Variants in VSIG10L observed in about 807,000 individuals in gnomAD.
The protein encoded by VSIG10L is V-set and immunoglobulin domain containing 10 like.
VSIG10L carries 63 observed loss-of-function variants against 67.3 expected under a neutral mutation model. The observed-to-expected ratio is 0.94, with a 90% CI of 0.76 to 1.15. VSIG10L has a LOEUF of 1.15. VSIG10L is among the 50% of genes most tolerant of loss of function. The pLI, the probability that VSIG10L is intolerant of heterozygous loss-of-function variation, is 0.00. For missense variants in VSIG10L, 1,050 were observed against 1,177.5 expected (o/e 0.89, Z 1.58); for synonymous variants, 499 against 524.9 (o/e 0.95, Z 0.67).
chr19:51,333,210 G>A (rs983784996), intron 9 of VSIG10L, among the ~76,000 whole-genome samples: 2 of 152,044 alleles, frequency 1.3e-5, no homozygotes, highest in Non-Finnish European at 2.9e-5. Flanking sequence ...GAGAAAAATG[G>A]GCCTTGCCCA....
intron 6 of VSIG10L, 129 bp downstream of exon 6, chr19:51,337,801 G>C: frequency 4.0e-6 from 5 of 1,242,910 alleles, no homozygotes; most frequent in Non-Finnish European, 5.4e-6. Context: ...CAGGGTCTGA[G>C]GGAGGAGAGG....
chr19:51,333,543 AGAG>A (rs956838374), intron 9 of VSIG10L, among the ~76,000 whole-genome samples: 2 of 148,664 alleles, frequency 1.3e-5, no homozygotes, highest in Non-Finnish European at 3.0e-5. Context: ...AAAAAAAAAA[AGAG>A]AGAGAGAGAT....
At chr19:51,341,096 C>A in intron 2 of VSIG10L, 57 bp downstream of exon 2, 8 of 1,454,904 alleles carry the variant, frequency 5.5e-6, no homozygotes, top group Non-Finnish European at 7.3e-6. Context: ...TTGCCCAAAG[C>A]CTGGCAGAGC....
In VSIG10L at chr19:51,339,036, C is replaced by G; in HGVS notation, c.1581G>C (p.Gln527His). The change falls in exon 5 of 10, where the codon CAG becomes CAC. Residue 527 changes from glutamine (Q) to histidine (H), a missense_variant. Gln to His is a conservative substitution (Grantham distance 24). Around this residue, in one of 3 missense-constraint regions of VSIG10L, gnomAD observed 529 missense variants for 584.9 expected, o/e 0.90. Coordinates refer to ENST00000335624, the MANE Select transcript of VSIG10L (RefSeq NM_001163922.3). ...WPGGAPAASLQFQGLPEGIRA... is the reference protein window; with the variant it reads ...WPGGAPAASLHFQGLPEGIRA... ...GGATGCCTTCGGGGAGACCCTGGAA[C>G]TGCAGGGAGGCAGCAGGGGCCCCGC... The G allele has an allele frequency of 7.3e-7, 1 of 1,375,026 alleles. No homozygotes were observed. The highest frequency in any genetic ancestry group is 1.7e-5 in the South Asian group (1 of 59,400). The allele number at this position is 1,375,026 out of a possible 1,614,324, so 85.2% of individuals were successfully genotyped here.
In VSIG10L at chr19:51,340,170, C is replaced by T. The variant is rs1056253678; in HGVS notation, c.1319G>A (p.Trp440Ter). The change falls in exon 4 of 10, where the codon TGG becomes TAG. Residue 440 changes from tryptophan (W) to a stop codon, truncating the protein, a stop_gained. Transcript: ENST00000335624. LOFTEE classifies it high-confidence loss of function. This position sits in a 1 kb window ranked among gnomAD's most constrained non-coding sequence, Gnocchi z 6.3. ...AASRPPADIT[W>*]SLADPAEAAV... Reference sequence around the variant, plus strand: ...GGCCTCGGCCGGGTCCGCCAGGCTCCACGTGATGTCGGCGGGCGGCCGCGA... The same window carrying T: ...GGCCTCGGCCGGGTCCGCCAGGCTCTACGTGATGTCGGCGGGCGGCCGCGA... 4.1e-6 allele frequency: 6 copies of T among 1,460,048 alleles called. No homozygotes were observed. Among genetic ancestry groups the T allele is most frequent in the Non-Finnish European group, 5.4e-6 (6 of 1,112,072 alleles). 90.4% of individuals were successfully genotyped at this position (1,460,048 alleles called of 1,614,324 possible).
At position 51,340,567 on chromosome 19, in the gene VSIG10L, T is replaced by G. The variant is rs1985609517; in HGVS notation, c.1055A>C (p.Glu352Ala). The G allele has an allele frequency of 3.3e-6, 5 of 1,535,578 alleles. No individual in the cohort carries two copies. The highest frequency in any genetic ancestry group is 4.4e-6 in the Non-Finnish European group (5 of 1,146,250). Residue 352 changes from glutamate to alanine, a missense_variant, in exon 3 of 10, where the codon GAG (glutamate) becomes GCG (alanine). Glu to Ala is a moderately radical substitution (Grantham distance 107, BLOSUM62 -1). Transcript: ENST00000335624. The surrounding 1 kb of genome is among the most constrained non-coding windows in gnomAD (Gnocchi z 6.3). ...GCCCTCTGAGCGCATCCGGGGCGTC[T>G]CGGCTCCCTCCGATTCCGCCGCCTC... ...ALEAAESEGAETPRMRSEGDQ... is the reference protein window; with the variant it reads ...ALEAAESEGAATPRMRSEGDQ...
At chr19:51,334,117 G>A in intron 8 of VSIG10L, 74 bp downstream of exon 8, 1 of 1,505,800 alleles carries the variant, frequency 6.6e-7, no homozygotes, top group Non-Finnish European at 9.0e-7. Context: ...GCCTCAGCCA[G>A]GTCTTCCATA....
At chr19:51,338,740 T>G (rs995295089) in intron 5 of VSIG10L, 148 bp downstream of exon 5, 1 of 1,012,280 alleles carries the variant, frequency 9.9e-7, no homozygotes. Context: ...AGGAAAATCT[T>G]TGTCCCTTTT....
intron 5 of VSIG10L, among the ~76,000 whole-genome samples, chr19:51,338,461 G>T (rs1985543291): frequency 6.6e-6 from 1 of 152,026 alleles, no homozygotes; most frequent in Non-Finnish European, 1.5e-5. Flanking sequence ...ATTATTTTCA[G>T]CTATTCTTTC....
intron 9 of VSIG10L, among the ~76,000 whole-genome samples, chr19:51,333,390 G>A (rs758582990): frequency 7.2e-5 from 11 of 152,114 alleles, no homozygotes; most frequent in South Asian, 2.1e-4. Flanking sequence ...TCAGTCAGGC[G>A]TTGTGGTGCT....
rs1389734980 is a variant in VSIG10L at position 51,337,920 on chromosome 19, C to T, written c.2008+10G>A. ...TGGACTTCAGGGTTTTTTGAAATAACGTGGCTCACCAATGAGGGTGATCTG... is the reference window on the plus strand; with the variant it reads ...TGGACTTCAGGGTTTTTTGAAATAATGTGGCTCACCAATGAGGGTGATCTG... On this transcript the variant is annotated intron_variant, in intron 6 of 9. Transcript: ENST00000335624. 33 of 1,533,030 alleles carry T rather than the reference C, an allele frequency of 2.2e-5. No individual in the cohort carries two copies. The highest frequency in any genetic ancestry group is 2.7e-5 in the Non-Finnish European group (31 of 1,136,712). The allele number at this position is 1,533,030 out of a possible 1,614,324, so 95.0% of individuals were successfully genotyped here.
intron 9 of VSIG10L, among the ~76,000 whole-genome samples, chr19:51,332,852 T>C (rs1444616076): frequency 6.6e-6 from 1 of 152,066 alleles, no homozygotes; most frequent in African/African-American, 2.4e-5. Context: ...TATTTATTTA[T>C]TTATTTATTT....
At chr19:51,338,303 G>A (rs1164823398) in intron 5 of VSIG10L, 95 bp from the exon 6 acceptor site, 2 of 1,364,026 alleles carry the variant, frequency 1.5e-6, no homozygotes, top group East Asian at 2.6e-5. Context: ...ATGGTGGTAA[G>A]CCCCCACGCT....
chr19:51,337,156 G>A, intron 7 of VSIG10L, 82 bp downstream of exon 7: 2 of 1,433,100 alleles, frequency 1.4e-6, no homozygotes, highest in South Asian at 1.4e-5. Context: ...ACTTTGTTAG[G>A]GCAGGCCCCA....
At position 51,332,138 on chromosome 19, in the gene VSIG10L, G is replaced by C. The variant is rs566719789; in HGVS notation, c.*473C>G. On this transcript the variant is annotated 3_prime_UTR_variant, in exon 10 of 10. Coordinates refer to ENST00000335624, the MANE Select transcript of VSIG10L (RefSeq NM_001163922.3). ...CGATGAGTTTGGATAATATCTGAAG[G>C]GAAATGCACAGGCCGTAGAAGCGTT... The C allele has an allele frequency of 5.5e-6, 1 of 182,722 alleles. No individual in the cohort carries two copies. Among genetic ancestry groups the C allele is most frequent in the African/African-American group, 2.4e-5 (1 of 42,212 alleles). The allele number at this position is 182,722 out of a possible 1,614,324, so 11.3% of individuals were successfully genotyped here.
chr19:51,342,074 A>G lies in VSIG10L; in HGVS notation c.40+11T>C. 1 of 1,551,756 alleles carries G rather than the reference A, an allele frequency of 6.4e-7. No homozygotes were observed. Among genetic ancestry groups the G allele is most frequent in the Non-Finnish European group, 8.7e-7 (1 of 1,147,006 alleles). On this transcript the variant is annotated intron_variant, in intron 1 of 9. Transcript: ENST00000335624. The surrounding 1 kb of genome is among the most constrained non-coding windows in gnomAD (Gnocchi z 4.4). ...GAGACTGACAGGGAAGGGACTGAGC[A>G]GGGAACTTACCCAGGAGTAGGAAGA...
Position 51,341,333 on chromosome 19 carries a change from C to T in VSIG10L, c.715G>A (p.Gly239Arg). Reference protein sequence around the residue: ...GSKVLAAGGLGPGAPLISLDP... With the variant: ...GSKVLAAGGLRPGAPLISLDP... ...AGGCTGATCAGAGGTGCCCCTGGCC[C>T]CAGGCCCCCAGCTGCCAGCACCTTT... is the stretch of plus-strand genomic sequence containing the variant. Residue 239 changes from glycine (G) to arginine (R), a missense_variant, in exon 2 of 10, where the codon GGG (glycine) becomes AGG (arginine). By Grantham distance (125) the Gly-to-Arg change is moderately radical (BLOSUM62 -2). Around this residue, in one of 3 missense-constraint regions of VSIG10L, gnomAD observed 511 missense variants for 557.9 expected, o/e 0.92. Transcript: ENST00000335624. 1.9e-6 allele frequency: 3 copies of T among 1,542,170 alleles called. No individual in the cohort carries two copies. The highest frequency in any genetic ancestry group is 8.7e-7 in the Non-Finnish European group (1 of 1,146,416).
At position 51,341,409 on chromosome 19, in the gene VSIG10L, T is replaced by G. The variant is rs1229629957; in HGVS notation, c.639A>C (p.Pro213=). ...AGGTGGGGGGCCCAGGGTTGGGGAT[T>G]GGGACTAGGGGGAGCCGGATGGTGG... ...VGTTIRLPLV[P]IPNPGPPTSL... is the part of the protein sequence containing the mutation. Residue 213 remains proline, a synonymous_variant, in exon 2 of 10, where the codon CCA becomes CCC. Transcript: ENST00000335624. The G allele has an allele frequency of 6.5e-7, 1 of 1,533,808 alleles. No homozygotes were observed. Among genetic ancestry groups the G allele is most frequent in the Non-Finnish European group, 8.8e-7 (1 of 1,139,624 alleles).
intron 9 of VSIG10L, among the ~76,000 whole-genome samples, chr19:51,333,008 C>A (rs1392925593): frequency 1.3e-5 from 2 of 152,066 alleles, no homozygotes; most frequent in Non-Finnish European, 2.9e-5. Context: ...TGCCACCATG[C>A]CCGACTAATT....
Sources: allele counts gnomAD v4.1 joint callset (sites outside exome capture counted in the v4.1 genomes callset), GRCh38; gene constraint gnomAD v4.1.1; regional missense constraint gnomAD v4.1.1; non-coding constraint Gnocchi (gnomAD v3.1); transcripts MANE v1.5; gene names NCBI Gene and HGNC (gene_info 2026-07-23, HGNC 2026-07-21).